Variants in PIK3CD observed in about 807,000 individuals in gnomAD.
PIK3CD encodes phosphatidylinositol-4,5-bisphosphate 3-kinase catalytic subunit delta.
PIK3CD carries 20 observed loss-of-function variants against 122.9 expected under a neutral mutation model. That is an observed-to-expected ratio of 0.16 (90% CI 0.11 to 0.24). The LOEUF (loss-of-function observed/expected upper bound fraction) is 0.24. Among genes scored for constraint, PIK3CD ranks in the 10% least tolerant of loss-of-function variants. The pLI is 1.00. For missense variants in PIK3CD, 787 were observed against 1,406.3 expected (o/e 0.56, Z 7.04); for synonymous variants, 596 against 593.4 (o/e 1.00, Z -0.06).
chr1:9,666,680 C>G (rs191794876), intron 1 of PIK3CD, among the ~76,000 whole-genome samples: 1 of 152,178 alleles, frequency 6.6e-6, no homozygotes, highest in African/African-American at 2.4e-5. Context: ...TCCCCCATCT[C>G]TACAAAATTC....
In PIK3CD at chr1:9,727,259, G is replaced by A. The variant is rs767581260; in HGVS notation, c.*213G>A. The A allele has an allele frequency of 4.6e-5, 28 of 609,906 alleles. No homozygotes were observed. Among genetic ancestry groups the A allele is most frequent in the African/African-American group, 3.0e-4 (16 of 54,212 alleles). 37.8% of individuals were successfully genotyped at this position (609,906 alleles called of 1,614,324 possible). A position where few individuals can be genotyped will look rare whatever the true frequency, so the allele number is the denominator to read the frequency against. On this transcript the variant is annotated 3_prime_UTR_variant, in exon 24 of 24. Coordinates refer to ENST00000377346, the MANE Select transcript of PIK3CD (RefSeq NM_005026.5). ...GGAAACGCCTCCTTCATGCAGCGGC[G>A]GTGCTGGGCCCCCCGAGGCTGCACC...
chr1:9,701,548 C>T (rs1352307058), intron 2 of PIK3CD, among the ~76,000 whole-genome samples: 1 of 151,834 alleles, frequency 6.6e-6, no homozygotes, highest in Non-Finnish European at 1.5e-5. Context: ...TGGCAGACAC[C>T]TGTAATTCCA....
chr1:9,658,987 G>GGT (rs1460698040), intron 1 of PIK3CD, among the ~76,000 whole-genome samples: 2 of 152,202 alleles, frequency 1.3e-5, no homozygotes, highest in Non-Finnish European at 2.9e-5. Context: ...CAAAGGAGCT[G>GGT]GTGTGGAGTG....
At chr1:9,665,068 G>C (rs1645117399) in intron 1 of PIK3CD, among the ~76,000 whole-genome samples, 2 of 151,924 alleles carry the variant, frequency 1.3e-5, no homozygotes, top group African/African-American at 4.8e-5. Flanking sequence ...GCTGGGTGTG[G>C]TGGTGTGCAC....
chr1:9,710,401 T>C lies in PIK3CD; in HGVS notation c.-32-23T>C. On this transcript the variant is annotated intron_variant, in intron 2 of 23. Coordinates refer to ENST00000377346, the MANE Select transcript of PIK3CD (RefSeq NM_005026.5). This position sits in a 1 kb window ranked among gnomAD's most constrained non-coding sequence, Gnocchi z 4.7. ...CACCCAGCTCAGCTGAGGTAACTCA[T>C]TTTGCCATTTCTTCATTTTTAGGAC... 6.2e-7 allele frequency: 1 copy of C among 1,601,608 alleles called. No individual in the cohort carries two copies. Among genetic ancestry groups the C allele is most frequent in the South Asian group, 1.1e-5 (1 of 90,814 alleles).
At chr1:9,657,266 C>T (rs1437649010) in intron 1 of PIK3CD, among the ~76,000 whole-genome samples, 4 of 152,174 alleles carry the variant, frequency 2.6e-5, no homozygotes, top group Non-Finnish European at 5.9e-5. Flanking sequence ...TCTGCAAAGA[C>T]CCATTTTCCA....
chr1:9,712,576 C>T (rs1329233244), intron 3 of PIK3CD, among the ~76,000 whole-genome samples: 4 of 152,134 alleles, frequency 2.6e-5, no homozygotes, highest in Admixed American at 1.3e-4. Flanking sequence ...CCATGGCACC[C>T]GGCCCTTATC....
In PIK3CD at chr1:9,683,674, T is replaced by C. The variant is rs775116239; in HGVS notation, c.-137-7793T>C. Among the ~76,000 whole-genome samples, 2 of 151,994 alleles carry C rather than the reference T, an allele frequency of 1.3e-5. 1 individual carries two copies. The highest frequency in any genetic ancestry group is 4.1e-4 in the South Asian group (2 of 4,824). On this transcript the variant is annotated intron_variant, in intron 1 of 23. Transcript: ENST00000377346. ...TATGAGATCTTCAGAGTTCTAGGGA[T>C]CTCTTGCTACATAACAGCCTGTCCC...
intron 2 of PIK3CD, among the ~76,000 whole-genome samples, chr1:9,709,838 C>T (rs1478948296): frequency 6.6e-6 from 1 of 152,116 alleles, no homozygotes; most frequent in African/African-American, 2.4e-5. Flanking sequence ...GAAACCCTCT[C>T]TCTACAAAAG....
Position 9,710,289 on chromosome 1 carries a change from T to G in PIK3CD, c.-32-135T>G. On this transcript the variant is annotated intron_variant, in intron 2 of 23. Transcript: ENST00000377346. The surrounding 1 kb of genome is among the most constrained non-coding windows in gnomAD (Gnocchi z 4.7). The stretch of plus-strand genomic sequence containing the variant: ...ACGAGGCCCTGAGGGAGGTGAGCTT[T>G]TTGTACCCGCAGGTCGGGAACTCAC... 1.3e-6 allele frequency: 1 copy of G among 757,612 alleles called. No homozygotes were observed. The highest frequency in any genetic ancestry group is 2.5e-5 in the East Asian group (1 of 39,448). 46.9% of individuals were successfully genotyped at this position (757,612 alleles called of 1,614,324 possible). A position where few individuals can be genotyped will look rare whatever the true frequency, so the allele number is the denominator to read the frequency against.
intron 1 of PIK3CD, among the ~76,000 whole-genome samples, chr1:9,666,967 G>C (rs1298574270): frequency 2.0e-5 from 3 of 151,910 alleles, no homozygotes; most frequent in African/African-American, 7.2e-5. Flanking sequence ...CTGGGTTCTA[G>C]TGATTCTCCT....
At chr1:9,659,555 C>T (rs556733695) in intron 1 of PIK3CD, among the ~76,000 whole-genome samples, 1 of 152,256 alleles carries the variant, frequency 6.6e-6, no homozygotes, top group East Asian at 1.9e-4. Flanking sequence ...CTCCTCCCAG[C>T]CCTGGCAGCC....
rs1646996301 is a variant in PIK3CD, at chr1:9,710,285, G to A, written c.-32-139G>A. On this transcript the variant is annotated intron_variant, in intron 2 of 23. Transcript: ENST00000377346. This position sits in a 1 kb window ranked among gnomAD's most constrained non-coding sequence, Gnocchi z 4.7. ...CAGGACGAGGCCCTGAGGGAGGTGA[G>A]CTTTTTGTACCCGCAGGTCGGGAAC... The A allele has an allele frequency of 2.7e-6, 2 of 739,746 alleles. No homozygotes were observed. Among genetic ancestry groups the A allele is most frequent in the South Asian group, 3.0e-5 (2 of 66,588 alleles). 45.8% of individuals were successfully genotyped at this position (739,746 alleles called of 1,614,324 possible).
At position 9,689,571 on chromosome 1, in the gene PIK3CD, C is replaced by A. The variant is rs1407655208; in HGVS notation, c.-137-1896C>A. Among the ~76,000 whole-genome samples the A allele has an allele frequency of 6.7e-6, 1 of 148,922 alleles. No homozygotes were observed. The highest frequency in any genetic ancestry group is 1.5e-5 in the Non-Finnish European group (1 of 66,826). ...CTCCGCCGAGCCCCGCTTGCCTGCA[C>A]CTCGCGCGGCGGGCCTGCCCTCCGG... On this transcript the variant is annotated intron_variant, in intron 1 of 23. Coordinates refer to ENST00000377346, the MANE Select transcript of PIK3CD (RefSeq NM_005026.5). This position sits in a 1 kb window ranked among gnomAD's most constrained non-coding sequence, Gnocchi z 6.1.
In PIK3CD at chr1:9,700,616, C is replaced by T. The variant is rs546190033; in HGVS notation, c.-33+9045C>T. Reference sequence around the variant, plus strand: ...CCCAGCTCCCCGCTCTGTGTCTAGGCCGTCTCACCTGCCCCTCCCCGGCTC... The same window carrying T: ...CCCAGCTCCCCGCTCTGTGTCTAGGTCGTCTCACCTGCCCCTCCCCGGCTC... On this transcript the variant is annotated intron_variant, in intron 2 of 23. Coordinates refer to ENST00000377346, the MANE Select transcript of PIK3CD (RefSeq NM_005026.5). The surrounding 1 kb of genome is among the most constrained non-coding windows in gnomAD (Gnocchi z 5.1). Among the ~76,000 whole-genome samples the T allele has an allele frequency of 7.1e-4, 108 of 152,146 alleles. No homozygotes were observed. Among genetic ancestry groups the T allele is most frequent in the Non-Finnish European group, 1.2e-3 (84 of 68,026 alleles).
chr1:9,718,610 C>G lies in PIK3CD; in HGVS notation c.1021-84C>G. Reference sequence around the variant, plus strand: ...GAGTTCAGACCCACCTGAGGACATTCAAGGGGGAGACTGACACCTTAAGGG... The same window carrying G: ...GAGTTCAGACCCACCTGAGGACATTGAAGGGGGAGACTGACACCTTAAGGG... On this transcript the variant is annotated intron_variant, in intron 8 of 23. Coordinates refer to ENST00000377346, the MANE Select transcript of PIK3CD (RefSeq NM_005026.5). This position sits in a 1 kb window ranked among gnomAD's most constrained non-coding sequence, Gnocchi z 7.2. 2.3e-6 allele frequency: 3 copies of G among 1,292,994 alleles called. No individual in the cohort carries two copies. Among genetic ancestry groups the G allele is most frequent in the Non-Finnish European group, 3.3e-6 (3 of 909,344 alleles). The allele number at this position is 1,292,994 out of a possible 1,614,324, so 80.1% of individuals were successfully genotyped here. A position where few individuals can be genotyped will look rare whatever the true frequency, so the allele number is the denominator to read the frequency against.
In PIK3CD at chr1:9,723,289, C is replaced by T. The variant is rs148984508; in HGVS notation, c.2591C>T (p.Pro864Leu). 1.2e-5 allele frequency: 19 copies of T among 1,613,924 alleles called. No individual in the cohort carries two copies. Among genetic ancestry groups the T allele is most frequent in the Non-Finnish European group, 1.4e-5 (17 of 1,180,024 alleles). ...ALLNWLKSKNPGEALDRAIEE... is the reference protein window; with the variant it reads ...ALLNWLKSKNLGEALDRAIEE... ...CTCAACTGGCTGAAGTCCAAGAACC[C>T]GGGGTGGGTTTCAGGCCCAGGGATA... is the stretch of plus-strand genomic sequence containing the variant. The change falls in exon 20 of 24, where the codon CCG (proline) becomes CTG (leucine). Residue 864 changes from proline (P) to leucine (L), a missense_variant. Transcript: ENST00000377346. This position sits in a 1 kb window ranked among gnomAD's most constrained non-coding sequence, Gnocchi z 4.9.
chr1:9,643,706 G>T, the PIK3CD span, among the ~76,000 whole-genome samples: 2 of 152,094 alleles, frequency 1.3e-5, no homozygotes, highest in Non-Finnish European at 2.9e-5. Flanking sequence ...TCTGAAAGTT[G>T]AGCACCATTA....
intron 1 of PIK3CD, among the ~76,000 whole-genome samples, chr1:9,682,698 C>T (rs922443016): frequency 2.0e-5 from 3 of 151,314 alleles, no homozygotes; most frequent in Non-Finnish European, 2.9e-5. Flanking sequence ...TACAGGTGCA[C>T]ACCACCACAG....
Sources: allele counts gnomAD v4.1 joint callset (sites outside exome capture counted in the v4.1 genomes callset), GRCh38; gene constraint gnomAD v4.1.1; non-coding constraint Gnocchi (gnomAD v3.1); transcripts MANE v1.5; gene names NCBI Gene and HGNC (gene_info 2026-07-23, HGNC 2026-07-21).